Variants in DLGAP1 observed in about 807,000 individuals in gnomAD.
DLGAP1 encodes the protein DLG associated protein 1, also known as disks large-associated protein 1.
A neutral mutation model predicts 90.8 loss-of-function variants in DLGAP1; 11 were observed. The ratio of observed to expected loss-of-function variants is 0.12; its 90% CI spans 0.08 to 0.20. The LOEUF is 0.20. Among genes scored for constraint, DLGAP1 ranks in the 10% least tolerant of loss-of-function variants. The pLI is 1.00. For synonymous variants in DLGAP1, 558 were observed against 540.7 expected, an observed-to-expected ratio of 1.03 and a Z score of -0.44; for missense variants, 1,050 against 1,333.8, an observed-to-expected ratio of 0.79 and a Z score of 3.31.
chr18:3,767,911 T>A (rs1219830459), intron 5 of DLGAP1, among the ~76,000 whole-genome samples: 2 of 152,044 alleles, frequency 1.3e-5, no homozygotes, highest in East Asian at 3.8e-4. Flanking sequence ...TTCTGGAAAT[T>A]CTAGCTAGTA....
intron 7 of DLGAP1, among the ~76,000 whole-genome samples, chr18:3,673,946 G>A (rs1374705458): frequency 2.8e-5 from 4 of 144,968 alleles, no homozygotes; most frequent in African/African-American, 7.7e-5. Flanking sequence ...GGGTTCAAGC[G>A]ATTCTCCTGC....
chr18:4,270,201 C>T lies in DLGAP1; in HGVS notation c.-266-118914G>A, dbSNP rs375490388. Among the ~76,000 whole-genome samples, 11 of 152,298 alleles carry T rather than the reference C, an allele frequency of 7.2e-5. No individual in the cohort carries two copies. In the East Asian group the frequency reaches 1.5e-3, roughly 21 times the overall value. On this transcript the variant is annotated intron_variant, in intron 1 of 12. Coordinates refer to ENST00000315677, the MANE Select transcript of DLGAP1 (RefSeq NM_004746.4). Reference sequence around the variant, plus strand: ...ATCACTAATACAGGGTGGTTTCATTCGCACTTGGCACCTCTCAGGTAGGTT... The same window carrying T: ...ATCACTAATACAGGGTGGTTTCATTTGCACTTGGCACCTCTCAGGTAGGTT...
chr18:4,355,598 C>T (rs1382174069), intron 1 of DLGAP1, among the ~76,000 whole-genome samples: 1 of 152,032 alleles, frequency 6.6e-6, no homozygotes, highest in African/African-American at 2.4e-5. Context: ...CTCACATAAA[C>T]AGAAGTGCAT....
chr18:4,080,462 G>T (rs2075589031), intron 2 of DLGAP1, among the ~76,000 whole-genome samples: 1 of 152,116 alleles, frequency 6.6e-6, no homozygotes, highest in Non-Finnish European at 1.5e-5. Context: ...GGCTATTCAG[G>T]AAGGGCTGGA....
intron 7 of DLGAP1, among the ~76,000 whole-genome samples, chr18:3,586,042 G>A (rs963943190): frequency 6.6e-6 from 1 of 152,176 alleles, no homozygotes; most frequent in Non-Finnish European, 1.5e-5. Context: ...CTTCGCTATC[G>A]ATAGGGATAA....
intron 7 of DLGAP1, among the ~76,000 whole-genome samples, chr18:3,611,614 C>A (rs1468779591): frequency 6.6e-6 from 1 of 152,168 alleles, no homozygotes; most frequent in Non-Finnish European, 1.5e-5. Context: ...CCCGCTGCAG[C>A]CCCTGCTTCC....
Position 4,425,006 on chromosome 18 carries a change from C to T in DLGAP1, c.-267+30000G>A, listed in dbSNP as rs537947622. 4.9e-5 allele frequency among the ~76,000 whole-genome samples: 7 copies of T among 141,718 alleles called. No individual in the cohort carries two copies. In the South Asian group the frequency reaches 1.5e-3, roughly 31 times the overall value. The allele number at this position is 141,718 out of a possible 152,430, so 93.0% of individuals were successfully genotyped here. On this transcript the variant is annotated intron_variant, in intron 1 of 12. Transcript: ENST00000315677. ...ACACATATTTACTGCCTAGTATATA[C>T]AAAAATCTTTGCAAGAATCCAGGGA... is the stretch of plus-strand genomic sequence containing the variant.
At chr18:3,532,769 T>C (rs1172591420) in intron 10 of DLGAP1, among the ~76,000 whole-genome samples, 2 of 152,162 alleles carry the variant, frequency 1.3e-5, no homozygotes, top group Admixed American at 6.5e-5. Context: ...GATCCACCAT[T>C]AATTTAATAA....
rs535757262 is a variant in DLGAP1, at chr18:4,184,848, C to G, written c.-266-33561G>C. Among the ~76,000 whole-genome samples the G allele has an allele frequency of 3.3e-5, 5 of 152,174 alleles. No homozygotes were observed. In the South Asian group the frequency reaches 8.3e-4, roughly 25 times the overall value. Reference sequence around the variant, plus strand: ...TTCCATTCTAAGCACCCTGCAAAAGCCATTTATATTCTGAGGCCTGAACTA... The same window carrying G: ...TTCCATTCTAAGCACCCTGCAAAAGGCATTTATATTCTGAGGCCTGAACTA... On this transcript the variant is annotated intron_variant, in intron 1 of 12. Transcript: ENST00000315677.
intron 7 of DLGAP1, among the ~76,000 whole-genome samples, chr18:3,675,244 T>C (rs1195056147): frequency 1.3e-5 from 2 of 152,146 alleles, no homozygotes; most frequent in African/African-American, 2.4e-5. Context: ...CTAAGTTTTG[T>C]GTTTTTAGTA....
chr18:4,234,531 T>G (rs1244854528), intron 1 of DLGAP1, among the ~76,000 whole-genome samples: 1 of 152,176 alleles, frequency 6.6e-6, no homozygotes, highest in Non-Finnish European at 1.5e-5. Flanking sequence ...AACAATAATT[T>G]ACTTTGAAAG....
chr18:4,028,320 T>C (rs1598264824), intron 2 of DLGAP1, among the ~76,000 whole-genome samples: 1 of 152,250 alleles, frequency 6.6e-6, no homozygotes, highest in East Asian at 1.9e-4. Context: ...AAACACATAA[T>C]AGACCATAAA....
chr18:3,708,381 T>G (rs2147196727), intron 7 of DLGAP1: 1 of 456,114 alleles, frequency 2.2e-6, no homozygotes, highest in Admixed American at 2.3e-5. Flanking sequence ...GAGCTGTGAA[T>G]TCACCAAGTT....
intron 12 of DLGAP1, chr18:3,502,115 TA>T: frequency 9.6e-7 from 1 of 1,044,612 alleles, no homozygotes; most frequent in Non-Finnish European, 1.2e-6. Flanking sequence ...AAACACATCC[TA>T]GGGGTGTAAG....
chr18:4,321,273 C>T (rs1598894039), intron 1 of DLGAP1, among the ~76,000 whole-genome samples: 1 of 152,226 alleles, frequency 6.6e-6, no homozygotes, highest in South Asian at 2.1e-4. Context: ...CTGACTTAGC[C>T]ATAAAACATT....
At chr18:3,519,001 C>T (rs2051009378) in intron 10 of DLGAP1, among the ~76,000 whole-genome samples, 1 of 152,050 alleles carries the variant, frequency 6.6e-6, no homozygotes, top group Non-Finnish European at 1.5e-5. Context: ...ATAAGAAATC[C>T]ATAACAATTT....
At chr18:3,895,441 C>A (rs141896205) in intron 3 of DLGAP1, among the ~76,000 whole-genome samples, 1 of 152,122 alleles carries the variant, frequency 6.6e-6, no homozygotes, top group Admixed American at 6.5e-5. Flanking sequence ...TGTCAATATG[C>A]TTTTTCCCTC....
intron 9 of DLGAP1, among the ~76,000 whole-genome samples, chr18:3,564,373 C>T (rs1195303383): frequency 6.6e-6 from 1 of 152,056 alleles, no homozygotes; most frequent in Non-Finnish European, 1.5e-5. Flanking sequence ...TGTCCCTTCC[C>T]CCATGTGGAA....
rs238112 is a variant in DLGAP1, at chr18:3,499,769, A to G, written c.2725-375T>C. ...AGATGGGCCAGGAAGCAGCGGCTGC[A>G]GCAGCATCTTAGAACCCCTGCATCC... On this transcript the variant is annotated intron_variant, in intron 12 of 12. Coordinates refer to ENST00000315677, the MANE Select transcript of DLGAP1 (RefSeq NM_004746.4). The surrounding 1 kb of genome is among the most constrained non-coding windows in gnomAD (Gnocchi z 6.4). 0.65 allele frequency among the ~76,000 whole-genome samples: 99,015 copies of G among 151,870 alleles called. 33,276 individuals carry two copies. The highest frequency in any genetic ancestry group is 0.91 in the East Asian group (4,669 of 5,144).
Sources: allele counts gnomAD v4.1 joint callset (sites outside exome capture counted in the v4.1 genomes callset), GRCh38; gene constraint gnomAD v4.1.1; non-coding constraint Gnocchi (gnomAD v3.1); transcripts MANE v1.5; gene names NCBI Gene and HGNC (gene_info 2026-07-23, HGNC 2026-07-21).